The following PRUNE2 variants were observed in gnomAD, a reference collection of about 807,000 sequenced individuals.
The protein encoded by PRUNE2 is protein prune homolog 2.
Under a neutral mutation model 252.0 loss-of-function variants are expected in PRUNE2, and 164 were observed. The ratio of observed to expected loss-of-function variants is 0.65; its 90% CI spans 0.57 to 0.74. PRUNE2 has a LOEUF of 0.74. Ranked by LOEUF, PRUNE2 falls within the 30% of genes least tolerant of loss-of-function variation. The probability of loss-of-function intolerance (pLI) is 0.00; values close to 1 mark genes in which losing one functional copy is unlikely to be tolerated. For synonymous variants in PRUNE2, 1,292 were observed against 1,350.2 expected, an observed-to-expected ratio of 0.96 and a Z score of 0.94; for missense variants, 3,495 against 3,711.0, an observed-to-expected ratio of 0.94 and a Z score of 1.51.
chr9:76,781,140 G>A (rs2054344733), intron 6 of PRUNE2, among the ~76,000 whole-genome samples: 2 of 152,064 alleles, frequency 1.3e-5, no homozygotes, highest in South Asian at 4.1e-4. Context: ...TCAAACCATG[G>A]TCACCTCTCC....
intron 1 of PRUNE2, among the ~76,000 whole-genome samples, chr9:76,876,124 T>C (rs2061463495): frequency 6.6e-6 from 1 of 152,140 alleles, no homozygotes; most frequent in Non-Finnish European, 1.5e-5. Context: ...GCAAAATCTG[T>C]TTCAAGAAAA....
At chr9:76,650,278 AAATATAT>A (rs1022528960) in intron 11 of PRUNE2, among the ~76,000 whole-genome samples, 1 of 150,362 alleles carries the variant, frequency 6.7e-6, no homozygotes, top group African/African-American at 2.4e-5. Context: ...TATATAGTAC[AAATATAT>A]AATATATAAT....
At chr9:76,807,340 T>C (rs1275365701) in intron 6 of PRUNE2, among the ~76,000 whole-genome samples, 2 of 152,128 alleles carry the variant, frequency 1.3e-5, no homozygotes, top group African/African-American at 4.8e-5. Flanking sequence ...CCCAAAGTTC[T>C]GGGATTATAG....
rs2046197974 is a variant in PRUNE2 at position 76,704,861 on chromosome 9, T to C, written c.7413A>G (p.Val2471=). The C allele has an allele frequency of 1.9e-6, 3 of 1,603,380 alleles. No individual in the cohort carries two copies. The highest frequency in any genetic ancestry group is 1.3e-5 in the African/African-American group (1 of 74,908). Residue 2471 remains valine (V), a synonymous_variant, in exon 8 of 19, where the codon GTA becomes GTG. Coordinates refer to ENST00000376718, the MANE Select transcript of PRUNE2 (RefSeq NM_015225.3). ...GAGACAAAATGTTGGAGCCTGCTCC[T>C]ACCGGCAAATAAACGGACTCAGGGT... ...REDPESVYLP[V]GAGSNILSPS...
intron 9 of PRUNE2, among the ~76,000 whole-genome samples, chr9:76,696,220 T>C (rs2045368478): frequency 6.6e-6 from 1 of 152,202 alleles, no homozygotes; most frequent in Non-Finnish European, 1.5e-5. Flanking sequence ...GAAGAACTCT[T>C]ACATAGATCT....
At chr9:76,653,227 G>A (rs566616227) in intron 10 of PRUNE2, among the ~76,000 whole-genome samples, 44 of 152,162 alleles carry the variant, frequency 2.9e-4, no homozygotes, top group Admixed American at 2.7e-3. Flanking sequence ...AAATTTTCAC[G>A]GGGTATACTG....
At chr9:76,635,277 T>A (rs1839534440) in intron 15 of PRUNE2, among the ~76,000 whole-genome samples, 1 of 152,182 alleles carries the variant, frequency 6.6e-6, no homozygotes, top group Admixed American at 6.5e-5. Context: ...TGGCTGCTCA[T>A]AATATTTTTA....
chr9:76,756,592 A>G (rs1170118990), intron 6 of PRUNE2, among the ~76,000 whole-genome samples: 2 of 152,246 alleles, frequency 1.3e-5, no homozygotes, highest in Non-Finnish European at 2.9e-5. Context: ...CTCATTAGAC[A>G]TCTAACATTT....
intron 4 of PRUNE2, among the ~76,000 whole-genome samples, chr9:76,837,811 G>A (rs189788311): frequency 1.2e-3 from 177 of 143,496 alleles, no homozygotes; most frequent in East Asian, 0.01. Flanking sequence ...TTGCTCTGTC[G>A]CCCAGGCTGG....
Position 76,708,141 on chromosome 9 carries a change from A to G in PRUNE2, c.4133T>C (p.Ile1378Thr). The G allele has an allele frequency of 6.2e-7, 1 of 1,613,976 alleles. No individual in the cohort carries two copies. The highest frequency in any genetic ancestry group is 8.5e-7 in the Non-Finnish European group (1 of 1,179,896). ...AAGAGAGCTGATTTTGCCTGATTTA[A>G]TGCAGATTTCCTGATGTTCAGATGC... Reference protein sequence around the residue: ...LVASEHQEICIKSGKISSLAV... With the variant: ...LVASEHQEICTKSGKISSLAV... Residue 1378 changes from isoleucine to threonine, a missense_variant, in exon 8 of 19, where the codon ATT (isoleucine) becomes ACT (threonine). By Grantham distance (89) the Ile-to-Thr change is moderately conservative. Coordinates refer to ENST00000376718, the MANE Select transcript of PRUNE2 (RefSeq NM_015225.3).
intron 1 of PRUNE2, among the ~76,000 whole-genome samples, 189 bp from the exon 2 acceptor site, chr9:76,854,397 C>A (rs2060129396): frequency 6.6e-6 from 1 of 152,128 alleles, no homozygotes; most frequent in South Asian, 2.1e-4. Flanking sequence ...GAAATATTCA[C>A]TCAAACTCTA....
intron 4 of PRUNE2, among the ~76,000 whole-genome samples, chr9:76,833,284 T>C (rs999013212): frequency 6.6e-6 from 1 of 151,954 alleles, no homozygotes; most frequent in African/African-American, 2.4e-5. Context: ...AAAGTACAAA[T>C]TAACATTCAA....
intron 6 of PRUNE2, among the ~76,000 whole-genome samples, chr9:76,793,022 A>G (rs375540161): frequency 1.6e-4 from 25 of 152,370 alleles, no homozygotes; most frequent in African/African-American, 5.8e-4. Flanking sequence ...TTAGGGCTAA[A>G]GAATTTGTCC....
intron 4 of PRUNE2, among the ~76,000 whole-genome samples, chr9:76,835,030 G>A (rs1371098755): frequency 6.6e-6 from 1 of 152,218 alleles, no homozygotes; most frequent in Non-Finnish European, 1.5e-5. Context: ...AGGCAGGGTA[G>A]AGGGAAGGAG....
chr9:76,857,844 T>G (rs1169176112), intron 1 of PRUNE2, among the ~76,000 whole-genome samples: 1 of 152,022 alleles, frequency 6.6e-6, no homozygotes, highest in Non-Finnish European at 1.5e-5. Flanking sequence ...GTCCCCACGG[T>G]TCTGGTGCAC....
intron 9 of PRUNE2, among the ~76,000 whole-genome samples, chr9:76,681,297 ATGT>A (rs1414339485): frequency 6.6e-6 from 1 of 152,100 alleles, no homozygotes; most frequent in Non-Finnish European, 1.5e-5. Flanking sequence ...AGATGGGGAA[ATGT>A]TGTTTAATGG....
intron 6 of PRUNE2, among the ~76,000 whole-genome samples, chr9:76,805,509 C>T (rs747853263): frequency 1.3e-5 from 2 of 152,012 alleles, no homozygotes; most frequent in African/African-American, 2.4e-5. Flanking sequence ...GTGGGAAGAT[C>T]GTCTGAGCCT....
At chr9:76,788,151 C>A (rs1184042559) in intron 6 of PRUNE2, among the ~76,000 whole-genome samples, 3 of 152,142 alleles carry the variant, frequency 2.0e-5, no homozygotes, top group Admixed American at 1.3e-4. Flanking sequence ...ACTCACAGGA[C>A]CTATTTCTTT....
At chr9:76,794,613 C>CAA (rs11358425) in intron 6 of PRUNE2, among the ~76,000 whole-genome samples, 10 of 67,852 alleles carry the variant, frequency 1.5e-4, no homozygotes, top group African/African-American at 3.9e-4. Flanking sequence ...GACTCTGTCT[C>CAA]AAAAAAAAAA....
Sources: gnomAD v4.1 joint callset for allele counts (sites outside exome capture counted in the v4.1 genomes callset) on GRCh38, gnomAD v4.1.1 for gene constraint, MANE v1.5 for transcripts, NCBI Gene and HGNC (gene_info 2026-07-23, HGNC 2026-07-21) for gene names.